Variants in TUSC3 observed in about 807,000 individuals in gnomAD.
TUSC3 encodes tumor suppressor candidate 3.
In TUSC3, 45 loss-of-function variants were observed where a neutral mutation model predicts 44.8. The observed-to-expected ratio is 1.00, with a 90% CI of 0.79 to 1.29. The LOEUF (loss-of-function observed/expected upper bound fraction) is 1.29, where lower values mean the gene tolerates loss of function less well. Ranked by LOEUF, TUSC3 falls within the 50% of genes most tolerant of loss-of-function variation. TUSC3 has a pLI of 0.00. For missense variants in TUSC3, 519 were observed against 437.9 expected (o/e 1.19, Z -1.65); for synonymous variants, 212 against 152.9 (o/e 1.39, Z -2.85).
chr8:15,646,845 CTT>C (rs1243375594), intron 2 of TUSC3, among the ~76,000 whole-genome samples: 1 of 152,056 alleles, frequency 6.6e-6, no homozygotes, highest in Non-Finnish European at 1.5e-5. Flanking sequence ...ATACAGTAAA[CTT>C]ATCTTTACAT....
chr8:15,581,168 T>C (rs1352661554), intron 1 of TUSC3, among the ~76,000 whole-genome samples: 1 of 121,624 alleles, frequency 8.2e-6, no homozygotes, highest in Non-Finnish European at 1.7e-5. Flanking sequence ...TTCAGCTCCA[T>C]CAGCTCCTTT....
the TUSC3 span, among the ~76,000 whole-genome samples, chr8:15,843,507 G>A: frequency 6.6e-6 from 1 of 151,588 alleles, no homozygotes; most frequent in African/African-American, 2.4e-5. Flanking sequence ...CAGTTGGATA[G>A]AAGAGATAAA....
intron 7 of TUSC3, 170 bp from the exon 8 acceptor site, chr8:15,743,368 C>G (rs532815447): frequency 2.6e-4 from 177 of 670,190 alleles, no homozygotes; most frequent in Non-Finnish European, 4.1e-4. Flanking sequence ...AAAGTTAAGG[C>G]ATATTTGCTC....
chr8:15,810,521 C>T, the TUSC3 span, among the ~76,000 whole-genome samples: 7 of 151,680 alleles, frequency 4.6e-5, no homozygotes, highest in East Asian at 1.4e-3. Flanking sequence ...GCCTGTGGTC[C>T]CAGCTACTTG....
At chr8:15,429,189 G>A (rs1331183786) in intron 1 of TUSC3, among the ~76,000 whole-genome samples, 3 of 152,098 alleles carry the variant, frequency 2.0e-5, no homozygotes, top group African/African-American at 7.2e-5. Context: ...TCTACATATG[G>A]CTAGCCAGTT....
the TUSC3 span, among the ~76,000 whole-genome samples, chr8:15,794,136 A>C: frequency 6.6e-6 from 1 of 152,192 alleles, no homozygotes; most frequent in East Asian, 1.9e-4. Context: ...TCTACTATGT[A>C]ATGCAGTAGA....
At chr8:15,647,400 TTTTA>T (rs1386202469) in intron 2 of TUSC3, among the ~76,000 whole-genome samples, 13 of 152,190 alleles carry the variant, frequency 8.5e-5, no homozygotes, top group African/African-American at 3.1e-4. Context: ...ATTTTTTTGT[TTTTA>T]TTTTTCCTGT....
intron 2 of TUSC3, among the ~76,000 whole-genome samples, chr8:15,644,227 C>T (rs1050477606): frequency 2.6e-5 from 4 of 152,154 alleles, no homozygotes; most frequent in African/African-American, 9.7e-5. Context: ...ACACATTTAA[C>T]AGAACAGTGC....
At chr8:15,455,371 A>G (rs1459077237) in intron 1 of TUSC3, among the ~76,000 whole-genome samples, 1 of 152,110 alleles carries the variant, frequency 6.6e-6, no homozygotes, top group African/African-American at 2.4e-5. Context: ...TCCATCATGT[A>G]TATGTATGTA....
chr8:15,529,439 G>T (rs1348665019), intron 2 of TUSC3, among the ~76,000 whole-genome samples: 1 of 152,084 alleles, frequency 6.6e-6, no homozygotes, highest in Non-Finnish European at 1.5e-5. Flanking sequence ...AATTACTGTT[G>T]ATTACATAGA....
intron 1 of TUSC3, among the ~76,000 whole-genome samples, chr8:15,583,704 C>G (rs573579316): frequency 1.9e-4 from 29 of 152,086 alleles, no homozygotes; most frequent in South Asian, 4.2e-4. Flanking sequence ...GCTCAGCTGT[C>G]AAGACTGTAC....
intron 1 of TUSC3, among the ~76,000 whole-genome samples, chr8:15,587,340 G>C (rs924301803): frequency 3.3e-5 from 5 of 151,952 alleles, no homozygotes; most frequent in African/African-American, 1.2e-4. Context: ...TTGCACTTAA[G>C]GCAGCATTAT....
chr8:15,758,456 A>G (rs1812026696), intron 10 of TUSC3, among the ~76,000 whole-genome samples: 1 of 151,878 alleles, frequency 6.6e-6, no homozygotes, highest in African/African-American at 2.4e-5. Flanking sequence ...GAAAATTCAC[A>G]ATCCAGTTTT....
At chr8:15,444,889 A>G (rs1465852862) in intron 1 of TUSC3, among the ~76,000 whole-genome samples, 1 of 152,212 alleles carries the variant, frequency 6.6e-6, no homozygotes, top group African/African-American at 2.4e-5. Context: ...GAAATGTCAA[A>G]GTCCCGGCAA....
downstream of TUSC3, among the ~76,000 whole-genome samples, chr8:15,770,376 C>T (rs1413404725): frequency 9.9e-5 from 15 of 151,898 alleles, no homozygotes. Context: ...CATGGACACA[C>T]GGAGGGGAAC....
intron 6 of TUSC3, among the ~76,000 whole-genome samples, chr8:15,694,319 T>C (rs112540652): frequency 0.061 from 9,254 of 151,182 alleles, 414 homozygotes; most frequent in Non-Finnish European, 0.088. Flanking sequence ...GCGTGCGCCG[T>C]TAATCCCAGC....
At chr8:15,693,022 T>G (rs1026581765) in intron 6 of TUSC3, among the ~76,000 whole-genome samples, 4 of 152,206 alleles carry the variant, frequency 2.6e-5, no homozygotes, top group African/African-American at 9.6e-5. Flanking sequence ...TTTTCCTCCA[T>G]CTCTTCACAT....
chr8:15,551,314 T>C (rs1280886837), intron 1 of TUSC3, among the ~76,000 whole-genome samples: 1 of 151,740 alleles, frequency 6.6e-6, no homozygotes, highest in Non-Finnish European at 1.5e-5. Flanking sequence ...AATATGGTAA[T>C]AGAATGATTT....
intron 1 of TUSC3, among the ~76,000 whole-genome samples, chr8:15,446,935 T>C (rs1173649111): frequency 6.6e-6 from 1 of 150,892 alleles, no homozygotes; most frequent in Non-Finnish European, 1.5e-5. Context: ...TAATACAGAC[T>C]TAAAAATGCA....
Sources: gnomAD v4.1 joint callset for allele counts (sites outside exome capture counted in the v4.1 genomes callset) on GRCh38, gnomAD v4.1.1 for gene constraint, MANE v1.5 for transcripts, NCBI Gene and HGNC (gene_info 2026-07-23, HGNC 2026-07-21) for gene names.